EPB41L2: variants seen among roughly 807,000 people sequenced by gnomAD.
EPB41L2 encodes the protein erythrocyte membrane protein band 4.1 like 2.
Under a neutral mutation model 113.0 loss-of-function variants are expected in EPB41L2, and 43 were observed. The ratio of observed to expected loss-of-function variants is 0.38; its 90% CI spans 0.30 to 0.49. The LOEUF is 0.49. Among genes scored for constraint, EPB41L2 ranks in the 20% least tolerant of loss-of-function variants. The pLI, the probability that EPB41L2 is intolerant of heterozygous loss-of-function variation, is 0.95. For missense variants in EPB41L2, 1,147 were observed against 1,223.4 expected, an observed-to-expected ratio of 0.94 and a Z score of 0.93; for synonymous variants, 442 against 436.7, an observed-to-expected ratio of 1.01 and a Z score of -0.15.
intron 1 of EPB41L2, among the ~76,000 whole-genome samples, chr6:130,981,472 CCAT>C (rs2128675805): frequency 6.6e-6 from 1 of 152,282 alleles, no homozygotes; most frequent in South Asian, 2.1e-4. Context: ...ATGAAGACCA[CCAT>C]CACCACCAGA....
At chr6:130,848,353 T>C (rs1444947524) in intron 19 of EPB41L2, among the ~76,000 whole-genome samples, 1 of 152,018 alleles carries the variant, frequency 6.6e-6, no homozygotes, top group African/African-American at 2.4e-5. Context: ...AAGCAATGAA[T>C]GTGAGCCACA....
At chr6:130,951,981 C>T (rs1815276900) in intron 3 of EPB41L2, among the ~76,000 whole-genome samples, 1 of 152,064 alleles carries the variant, frequency 6.6e-6, no homozygotes, top group Non-Finnish European at 1.5e-5. Context: ...GTAACATGAG[C>T]AAGAAATAAA....
At chr6:130,925,162 A>G (rs1388393344) in intron 4 of EPB41L2, among the ~76,000 whole-genome samples, 3 of 151,294 alleles carry the variant, frequency 2.0e-5, no homozygotes, top group Non-Finnish European at 4.4e-5. Context: ...ATGCAAAACT[A>G]GTATTTCAAA....
intron 4 of EPB41L2, among the ~76,000 whole-genome samples, chr6:130,923,117 T>C (rs1305904851): frequency 6.6e-6 from 1 of 152,174 alleles, no homozygotes; most frequent in Non-Finnish European, 1.5e-5. Context: ...TCTTGGTATC[T>C]GTCATCCTTC....
chr6:131,015,305 T>C (rs948788827), intron 1 of EPB41L2: 2 of 152,246 alleles, frequency 1.3e-5, no homozygotes, highest in African/African-American at 4.8e-5. Flanking sequence ...AGGAGTTTTG[T>C]GTGCTGTTCA....
At chr6:131,027,071 CT>C (rs1791033523) in intron 1 of EPB41L2, among the ~76,000 whole-genome samples, 1 of 152,020 alleles carries the variant, frequency 6.6e-6, no homozygotes, top group East Asian at 1.9e-4. Context: ...TTTTACAGCC[CT>C]CATTCCAAAT....
intron 1 of EPB41L2, among the ~76,000 whole-genome samples, chr6:130,988,886 C>G (rs1409097097): frequency 1.3e-5 from 2 of 152,084 alleles, no homozygotes; most frequent in Non-Finnish European, 2.9e-5. Flanking sequence ...GTCAGGAGTT[C>G]AAGACCAGCC....
intron 4 of EPB41L2, among the ~76,000 whole-genome samples, chr6:130,925,763 T>C (rs1804525816): frequency 6.6e-6 from 1 of 152,146 alleles, no homozygotes; most frequent in Non-Finnish European, 1.5e-5. Context: ...GTTTATTCAG[T>C]CAAATGTGCT....
chr6:130,986,964 A>T (rs1260159187), intron 1 of EPB41L2, among the ~76,000 whole-genome samples: 1 of 152,162 alleles, frequency 6.6e-6, no homozygotes, highest in Non-Finnish European at 1.5e-5. Flanking sequence ...GATCCTGGAC[A>T]TTTTACATAA....
At chr6:130,896,839 C>G (rs898980046) in intron 8 of EPB41L2, among the ~76,000 whole-genome samples, 1 of 152,134 alleles carries the variant, frequency 6.6e-6, no homozygotes, top group African/African-American at 2.4e-5. Flanking sequence ...TGGGGCAATG[C>G]ATGGAGATGG....
chr6:130,892,402 G>GGTTTTTTTTTTTTTT (rs1793188588), intron 10 of EPB41L2, among the ~76,000 whole-genome samples: 1 of 53,378 alleles, frequency 1.9e-5, no homozygotes, highest in Non-Finnish European at 4.5e-5. Context: ...ACAGATTATT[G>GGTTTTTTTTTTTTTT]CTTTTTTTTT....
intron 19 of EPB41L2, among the ~76,000 whole-genome samples, chr6:130,845,685 A>C (rs1290198789): frequency 2.0e-5 from 3 of 152,176 alleles, no homozygotes; most frequent in Admixed American, 2.0e-4. Context: ...CTGGCCTGGC[A>C]CCTTATTCTT....
chr6:131,033,237 GAGAA>G (rs1263887804), intron 1 of EPB41L2, among the ~76,000 whole-genome samples: 1 of 151,998 alleles, frequency 6.6e-6, no homozygotes, highest in East Asian at 1.9e-4. Context: ...ACAGGAGAGA[GAGAA>G]AGAAAGAAGG....
chr6:130,863,624 C>A lies in EPB41L2; in HGVS notation c.2910+14G>T. On this transcript the variant is annotated intron_variant, in intron 18 of 19. Transcript: ENST00000337057. ...AACAGGGCCATTTCCAAAACTAGAACTTAACTTATTTACCTGGTCATGATC... is the reference window on the plus strand; with the variant it reads ...AACAGGGCCATTTCCAAAACTAGAAATTAACTTATTTACCTGGTCATGATC... 6.3e-7 allele frequency: 1 copy of A among 1,585,262 alleles called. No individual in the cohort carries two copies. The highest frequency in any genetic ancestry group is 8.7e-7 in the Non-Finnish European group (1 of 1,154,820).
rs574262479 is a variant in EPB41L2 at position 130,859,318 on chromosome 6, C to T, written c.2911-1075G>A. On this transcript the variant is annotated intron_variant, in intron 18 of 19. Coordinates refer to ENST00000337057, the MANE Select transcript of EPB41L2 (RefSeq NM_001431.4). The stretch of plus-strand genomic sequence containing the variant: ...GGGCGATCACTTGAGGACAGGAGTT[C>T]GAAACCAGCCTGGCCAACATGGTGA... 2.4e-4 allele frequency among the ~76,000 whole-genome samples: 36 copies of T among 152,146 alleles called. No individual in the cohort carries two copies. The East Asian group carries it at 4.3e-3, about 18-fold the overall frequency.
intron 8 of EPB41L2, among the ~76,000 whole-genome samples, chr6:130,897,279 C>T (rs1438824371): frequency 1.3e-5 from 2 of 151,912 alleles, no homozygotes; most frequent in South Asian, 2.1e-4. Flanking sequence ...AAACTTTAAA[C>T]GACATGAAAT....
chr6:130,997,581 T>C (rs1420544676), intron 1 of EPB41L2, among the ~76,000 whole-genome samples: 2 of 152,174 alleles, frequency 1.3e-5, no homozygotes, highest in East Asian at 1.9e-4. Flanking sequence ...CATTAAAATA[T>C]CAAGCACAAT....
intron 3 of EPB41L2, among the ~76,000 whole-genome samples, chr6:130,938,497 A>G (rs944685678): frequency 6.6e-6 from 1 of 152,158 alleles, no homozygotes; most frequent in African/African-American, 2.4e-5. Context: ...TGCTACAACT[A>G]TGTAAGGAGG....
intron 3 of EPB41L2, among the ~76,000 whole-genome samples, chr6:130,953,024 G>A (rs1381060756): frequency 1.3e-5 from 2 of 148,642 alleles, no homozygotes; most frequent in African/African-American, 5.0e-5. Flanking sequence ...AGAAATAAAA[G>A]GGCATTCTAG....
Sources: allele counts gnomAD v4.1 joint callset (sites outside exome capture counted in the v4.1 genomes callset), GRCh38; gene constraint gnomAD v4.1.1; transcripts MANE v1.5; gene names NCBI Gene and HGNC (gene_info 2026-07-23, HGNC 2026-07-21).